SLC34A2: variants seen among roughly 807,000 people sequenced by gnomAD.
SLC34A2 encodes solute carrier family 34 member 2, also known as sodium-dependent phosphate transport protein 2B.
A neutral mutation model predicts 50.8 loss-of-function variants in SLC34A2; 41 were observed. That is an observed-to-expected ratio of 0.81 (90% CI 0.63 to 1.05). The LOEUF is 1.05. Ranked by LOEUF, SLC34A2 falls within the 50% of genes least tolerant of loss-of-function variation. SLC34A2 has a pLI of 0.00. For synonymous variants in SLC34A2, 401 were observed against 364.2 expected, an observed-to-expected ratio of 1.10 and a Z score of -1.15; for missense variants, 879 against 876.7, an observed-to-expected ratio of 1.00 and a Z score of -0.03.
At chr4:25,671,532 C>T (rs1714813232) in intron 8 of SLC34A2, 69 bp from the exon 9 acceptor site, 7 of 1,605,972 alleles carry the variant, frequency 4.4e-6, no homozygotes, top group East Asian at 4.5e-5. Context: ...TTCATTCCCA[C>T]CCCCGCCATT....
intron 3 of SLC34A2, 23 bp downstream of exon 3, chr4:25,662,865 C>G (rs1465310664): frequency 1.2e-6 from 2 of 1,613,310 alleles, no homozygotes; most frequent in Non-Finnish European, 1.7e-6. Flanking sequence ...CCAGCTGAGA[C>G]ATTCAGGAGG....
chr4:25,672,965 C>A, intron 9 of SLC34A2, 122 bp from the exon 10 acceptor site: 1 of 1,055,860 alleles, frequency 9.5e-7, no homozygotes, highest in Non-Finnish European at 1.5e-6. Flanking sequence ...TTGGGGCTGC[C>A]ATCTGTTAAA....
At chr4:25,662,431 C>T in intron 1 of SLC34A2, 67 bp from the exon 2 acceptor site, 2 of 1,397,780 alleles carry the variant, frequency 1.4e-6, no homozygotes, top group Non-Finnish European at 2.0e-6. Context: ...AATGGTTCTT[C>T]CTCTTATAGC....
intron 8 of SLC34A2, among the ~76,000 whole-genome samples, chr4:25,671,128 G>A (rs1162037339): frequency 6.6e-6 from 1 of 152,198 alleles, no homozygotes; most frequent in African/African-American, 2.4e-5. Flanking sequence ...CTGCCGCTCT[G>A]TTCTCATTTT....
chr4:25,664,285 G>A lies in SLC34A2; in HGVS notation c.334G>A (p.Val112Met), dbSNP rs78448446. The A allele has an allele frequency of 6.8e-5, 110 of 1,612,126 alleles. No individual in the cohort carries two copies. Among genetic ancestry groups the A allele is most frequent in the Non-Finnish European group, 8.3e-5 (98 of 1,179,832 alleles). ...ILLLGFLYFF[V>M]CSLDILSSAF... ...ACTTCTCGGATTTCTCTACTTTTTC[G>A]TGTGCTCCCTGGATATTCTTAGTAG... The change falls in exon 4 of 13, where the codon GTG (valine) becomes ATG (methionine). Residue 112 changes from valine to methionine, a missense_variant. Val to Met is a conservative substitution (Grantham distance 21). Transcript: ENST00000382051.
In SLC34A2 at chr4:25,669,609, T is replaced by C. The variant is rs777764207; in HGVS notation, c.636-38T>C. 5 of 1,603,922 alleles carry C rather than the reference T, an allele frequency of 3.1e-6. No homozygotes were observed. The Admixed American group carries it at 8.3e-5, about 27-fold the overall frequency. Reference sequence around the variant, plus strand: ...CCACCTCACATGGTGCCCACTTGCTTAGTGACTAATCTGGCTGTCGGGGTT... The same window carrying C: ...CCACCTCACATGGTGCCCACTTGCTCAGTGACTAATCTGGCTGTCGGGGTT... On this transcript the variant is annotated intron_variant, in intron 6 of 12. Coordinates refer to ENST00000382051, the MANE Select transcript of SLC34A2 (RefSeq NM_006424.3).
chr4:25,678,732 A>C lies in SLC34A2; in HGVS notation c.*1983A>C, dbSNP rs1375301358. The C allele has an allele frequency of 1.6e-5, 8 of 505,104 alleles. No individual in the cohort carries two copies. Among genetic ancestry groups the C allele is most frequent in the Non-Finnish European group, 2.8e-5 (8 of 280,706 alleles). The allele number at this position is 505,104 out of a possible 1,614,324, so 31.3% of individuals were successfully genotyped here. A position where few individuals can be genotyped will look rare whatever the true frequency, so the allele number is the denominator to read the frequency against. On this transcript the variant is annotated 3_prime_UTR_variant, in exon 13 of 13. Coordinates refer to ENST00000382051, the MANE Select transcript of SLC34A2 (RefSeq NM_006424.3). The stretch of plus-strand genomic sequence containing the variant: ...ACTGGTTATGGGAAGGGAGAAATAA[A>C]ATCATCAAACCCAAAAGGAGTGTGT...
chr4:25,667,110 C>T (rs1714541119), intron 5 of SLC34A2: 1 of 152,234 alleles, frequency 6.6e-6, no homozygotes, highest in Non-Finnish European at 1.5e-5. Context: ...AGGTATTACA[C>T]TTTCAAAATA....
intron 3 of SLC34A2, 75 bp downstream of exon 3, chr4:25,662,917 T>C (rs1714288115): frequency 5.3e-6 from 8 of 1,522,380 alleles, no homozygotes; most frequent in South Asian, 1.2e-5. Flanking sequence ...CTCCTGTCCC[T>C]CCCCCTTTTC....
In SLC34A2 at chr4:25,678,299, C is replaced by T. The variant is rs1406130041; in HGVS notation, c.*1550C>T. 1.9e-5 allele frequency: 3 copies of T among 153,982 alleles called. No homozygotes were observed. The highest frequency in any genetic ancestry group is 2.9e-5 in the Non-Finnish European group (2 of 69,078). The allele number at this position is 153,982 out of a possible 1,614,324, so 9.5% of individuals were successfully genotyped here. ...CTATATCTATAGTCACAGCCCTGTA[C>T]AGCATTTTTCATAAGTTATATAGTA... On this transcript the variant is annotated 3_prime_UTR_variant, in exon 13 of 13. Transcript: ENST00000382051.
intron 1 of SLC34A2, among the ~76,000 whole-genome samples, chr4:25,661,347 G>A (rs1239368589): frequency 2.0e-5 from 3 of 152,126 alleles, no homozygotes; most frequent in African/African-American, 7.2e-5. Flanking sequence ...AGAAGGCCTG[G>A]GTGGTAGGTA....
chr4:25,671,249 C>A (rs542428269), intron 8 of SLC34A2, among the ~76,000 whole-genome samples: 2 of 152,276 alleles, frequency 1.3e-5, no homozygotes, highest in East Asian at 3.9e-4. Context: ...GGGCCCAGAG[C>A]ATTCATGCCC....
intron 7 of SLC34A2, 147 bp downstream of exon 7, chr4:25,669,989 G>A (rs911792689): frequency 4.9e-5 from 38 of 776,510 alleles, no homozygotes; most frequent in African/African-American, 1.0e-4. Context: ...TTGGGAGGCC[G>A]AGGCAGGTGG....
At chr4:25,668,423 C>T (rs556768342) in intron 6 of SLC34A2, among the ~76,000 whole-genome samples, 2 of 152,144 alleles carry the variant, frequency 1.3e-5, no homozygotes, top group Non-Finnish European at 2.9e-5. Flanking sequence ...GAGGCCCAGG[C>T]GGGTGGATCG....
At chr4:25,669,914 A>T in intron 7 of SLC34A2, 72 bp downstream of exon 7, 1 of 1,310,398 alleles carries the variant, frequency 7.6e-7, no homozygotes. Context: ...GAGCTGACAG[A>T]TATAGAGTGT....
rs749870943 is a variant in SLC34A2, at chr4:25,674,389, C to G, written c.1310C>G (p.Thr437Arg). The G allele has an allele frequency of 6.2e-7, 1 of 1,614,074 alleles. No individual in the cohort carries two copies. The highest frequency in any genetic ancestry group is 1.3e-5 in the African/African-American group (1 of 74,942). Residue 437 changes from threonine to arginine, a missense_variant, in exon 11 of 13, where the codon ACG becomes AGG. Physicochemically the swap from Thr to Arg is moderately conservative, Grantham distance 71 (BLOSUM62 -1). Coordinates refer to ENST00000382051, the MANE Select transcript of SLC34A2 (RefSeq NM_006424.3). Reference protein sequence around the residue: ...TFIVQSSSVFTSALTPLIGIG... With the variant: ...TFIVQSSSVFRSALTPLIGIG... ...ATCGTACAGAGCAGCTCTGTGTTCA[C>G]GTCGGCCTTGACCCCCCTGATTGGT...
intron 3 of SLC34A2, among the ~76,000 whole-genome samples, chr4:25,663,272 T>C (rs1714311659): frequency 6.6e-6 from 1 of 152,008 alleles, no homozygotes; most frequent in African/African-American, 2.4e-5. Flanking sequence ...ATCTTTGAGG[T>C]AGAGTCAAAG....
rs1191203816 is a variant in SLC34A2 at position 25,677,340 on chromosome 4, C to T, written c.*591C>T. 6.4e-6 allele frequency: 1 copy of T among 155,992 alleles called. No individual in the cohort carries two copies. The highest frequency in any genetic ancestry group is 1.4e-5 in the Non-Finnish European group (1 of 70,232). The allele number at this position is 155,992 out of a possible 1,614,324, so 9.7% of individuals were successfully genotyped here. ...GTGCTCCCCACATTCCCCATCAGGG[C>T]TTCCTCACGTGGACAGGTGTGCTAG... On this transcript the variant is annotated 3_prime_UTR_variant, in exon 13 of 13. Transcript: ENST00000382051.
At chr4:25,658,601 T>C (rs1577487634) in intron 1 of SLC34A2, among the ~76,000 whole-genome samples, 1 of 152,314 alleles carries the variant, frequency 6.6e-6, no homozygotes, top group East Asian at 1.9e-4. Flanking sequence ...TTTCTGGCAG[T>C]GGGTGCCCAT....
Sources: allele counts gnomAD v4.1 joint callset (sites outside exome capture counted in the v4.1 genomes callset), GRCh38; gene constraint gnomAD v4.1.1; transcripts MANE v1.5; gene names NCBI Gene and HGNC (gene_info 2026-07-23, HGNC 2026-07-21).